Variants in NCOR2 observed in about 807,000 individuals in gnomAD.
NCOR2 encodes the protein CTG repeat protein 26.
In NCOR2, 81 loss-of-function variants were observed where a neutral mutation model predicts 262.9. That is an observed-to-expected ratio of 0.31 (90% confidence interval 0.26 to 0.37). The LOEUF (loss-of-function observed/expected upper bound fraction) is 0.37, where lower values mean the gene tolerates loss of function less well. Among genes scored for constraint, NCOR2 ranks in the 10% least tolerant of loss-of-function variants. The pLI, the probability that NCOR2 is intolerant of heterozygous loss-of-function variation, is 1.00. For missense variants in NCOR2, 3,385 were observed against 3,621.4 expected (o/e 0.93, Z 1.68); for synonymous variants, 1,659 against 1,559.3 (o/e 1.06, Z -1.51).
intron 1 of NCOR2, among the ~76,000 whole-genome samples, chr12:124,563,787 C>T (rs1414280737): frequency 2.0e-5 from 3 of 152,268 alleles, no homozygotes; most frequent in East Asian, 1.9e-4. Flanking sequence ...AGTTCTCAGT[C>T]TCCTGCCCCA....
chr12:124,356,924 C>T, intron 22 of NCOR2, 142 bp from the exon 25 acceptor site: 1 of 1,102,498 alleles, frequency 9.1e-7, no homozygotes, highest in Non-Finnish European at 1.2e-6. Flanking sequence ...CCGGGAAGCC[C>T]CCCAAGTCTG....
At chr12:124,402,109 T>C (rs1363078430) in intron 14 of NCOR2, among the ~76,000 whole-genome samples, 3 of 152,176 alleles carry the variant, frequency 2.0e-5, no homozygotes, top group Admixed American at 6.5e-5. Flanking sequence ...AGTCATTGCC[T>C]GGATTTATTA....
chr12:124,340,735 G>A, exon 35 of NCOR2: 1 of 1,545,166 alleles, frequency 6.5e-7, no homozygotes, highest in Non-Finnish European at 8.6e-7. Context: ...GTGGCACTTG[G>A]GACAGGTCGA....
intron 1 of NCOR2, 48 bp from the exon 4 acceptor site, chr12:124,486,616 G>A: frequency 2.0e-6 from 3 of 1,527,062 alleles, no homozygotes; most frequent in Non-Finnish European, 2.6e-6. Flanking sequence ...GCACGGGCAT[G>A]GCGGGGCACG....
chr12:124,339,893 GCCC>G, intron 37 of NCOR2, 110 bp downstream of exon 39: 2 of 565,996 alleles, frequency 3.5e-6, no homozygotes, highest in Non-Finnish European at 3.0e-6. Flanking sequence ...CCACACATCT[GCCC>G]ACCCACCCAC....
Position 124,372,246 on chromosome 12 carries a change from G to T in NCOR2, c.2583C>A (p.Pro861=), listed in dbSNP as rs765596931. 1.0e-5 allele frequency: 16 copies of T among 1,592,642 alleles called. No homozygotes were observed. In the South Asian group the frequency reaches 1.5e-4, roughly 14 times the overall value. ...CTTCCTCCGTGCACTCGCTCTTGAC[G>T]GGCTCCTCGGCCTTCCCTGTGTCCA... Residue 861 remains proline, a synonymous_variant, in exon 20 of 47, where the codon CCC becomes CCA. Coordinates refer to ENST00000405201, the Ensembl canonical transcript of NCOR2.
intron 22 of NCOR2, among the ~76,000 whole-genome samples, chr12:124,358,395 T>C (rs1268035455): frequency 1.3e-5 from 2 of 149,006 alleles, no homozygotes; most frequent in Non-Finnish European, 3.0e-5. Context: ...TGCACGTGCA[T>C]GTGTGTGCGA....
chr12:124,350,850 G>C, intron 27 of NCOR2, 113 bp from the exon 30 acceptor site: 1 of 1,089,880 alleles, frequency 9.2e-7, no homozygotes, highest in African/African-American at 1.6e-5. Flanking sequence ...GCACACGCGT[G>C]TCCACACACA....
intron 5 of NCOR2, among the ~76,000 whole-genome samples, chr12:124,463,594 C>T (rs1476455194): frequency 2.0e-5 from 3 of 152,258 alleles, no homozygotes; most frequent in Non-Finnish European, 4.4e-5. Flanking sequence ...AACTGCCAGG[C>T]GGGCCCTGCC....
chr12:124,470,236 ATGCAT>A (rs2136681027), intron 4 of NCOR2, among the ~76,000 whole-genome samples: 1 of 152,178 alleles, frequency 6.6e-6, no homozygotes, highest in Admixed American at 6.5e-5. Flanking sequence ...AGGAATCTTC[ATGCAT>A]TGCTGGTAAG....
At chr12:124,539,301 TCACACTCGTG>T (rs1353980721), upstream of NCOR2, 4 of 152,584 alleles carry the variant, frequency 2.6e-5, no homozygotes, top group African/African-American at 9.7e-5. This position sits in a 1 kb window ranked among gnomAD's most constrained non-coding sequence, Gnocchi z 5.1. Context: ...TCACACTCAT[TCACACTCGTG>T]CACACCCGGT....
intron 1 of NCOR2, among the ~76,000 whole-genome samples, chr12:124,526,469 G>A (rs969332940): frequency 1.3e-5 from 2 of 152,206 alleles, no homozygotes; most frequent in South Asian, 2.1e-4. Context: ...AGGACCTGGA[G>A]TCTGGAGATA....
intron 14 of NCOR2, 52 bp downstream of exon 16, chr12:124,402,352 A>G (rs2042030950): frequency 7.5e-6 from 12 of 1,606,602 alleles, no homozygotes; most frequent in Non-Finnish European, 1.0e-5. Flanking sequence ...ACCGTGTGCC[A>G]CCCGGGTTGG....
At chr12:124,561,558 G>C (rs2052073525) in intron 1 of NCOR2, among the ~76,000 whole-genome samples, 1 of 152,146 alleles carries the variant, frequency 6.6e-6, no homozygotes, top group South Asian at 2.1e-4. Flanking sequence ...CGGTGGGAGA[G>C]GAAGTGGGGG....
chr12:124,504,925 G>A lies in NCOR2; in HGVS notation c.-117-9557C>T, dbSNP rs1157609461. ...TGGGTTTGGGGTTTCCTTCTGGGAG[G>A]ATGAAACTGTTTTGGAATTAGACAG... is the stretch of plus-strand genomic sequence containing the variant. On this transcript the variant is annotated intron_variant, in intron 1 of 46. Coordinates refer to the NCOR2 transcript ENST00000404621. The surrounding 1 kb of genome is among the most constrained non-coding windows in gnomAD (Gnocchi z 4.5). 6.6e-6 allele frequency among the ~76,000 whole-genome samples: 1 copy of A among 152,212 alleles called. No homozygotes were observed. The highest frequency in any genetic ancestry group is 1.5e-5 in the Non-Finnish European group (1 of 68,046).
At chr12:124,402,833 T>C (rs537433841) in intron 13 of NCOR2, among the ~76,000 whole-genome samples, 2 of 152,240 alleles carry the variant, frequency 1.3e-5, no homozygotes, top group East Asian at 3.9e-4. Flanking sequence ...CTGGCTTCAA[T>C]TCCTGCCCTT....
chr12:124,409,999 C>T (rs923880510), intron 13 of NCOR2, among the ~76,000 whole-genome samples: 5 of 151,558 alleles, frequency 3.3e-5, no homozygotes, highest in South Asian at 2.1e-4. Flanking sequence ...GTCTTGTCCA[C>T]GAGGGAATCA....
chr12:124,330,686 G>T (rs1222477491), intron 44 of NCOR2, among the ~76,000 whole-genome samples, 159 bp downstream of exon 46: 1 of 152,250 alleles, frequency 6.6e-6, no homozygotes, highest in African/African-American at 2.4e-5. Context: ...CCTGCCTGTT[G>T]TGTGACTCTG....
Position 124,445,503 on chromosome 12 carries a change from G to A in NCOR2, c.815+4312C>T, listed in dbSNP as rs113176619. Among the ~76,000 whole-genome samples the A allele has an allele frequency of 3.1e-4, 47 of 152,310 alleles. 1 individual carries two copies. Among genetic ancestry groups the A allele is most frequent in the African/African-American group, 9.9e-4 (41 of 41,562 alleles). ...AGCGTGAAATTAACTTTCACTCCGCGGCCCCAGCATGCAGACGCAGAGAAA... is the reference window on the plus strand; with the variant it reads ...AGCGTGAAATTAACTTTCACTCCGCAGCCCCAGCATGCAGACGCAGAGAAA... On this transcript the variant is annotated intron_variant, in intron 7 of 46. Coordinates refer to ENST00000405201, the Ensembl canonical transcript of NCOR2.
Sources: gnomAD v4.1 joint callset for allele counts (sites outside exome capture counted in the v4.1 genomes callset) on GRCh38, gnomAD v4.1.1 for gene constraint, Gnocchi (gnomAD v3.1) non-coding constraint, MANE v1.5 for transcripts, NCBI Gene and HGNC (gene_info 2026-07-23, HGNC 2026-07-21) for gene names.